The following RBM38 variants were observed in gnomAD, a reference collection of about 807,000 sequenced individuals.
RBM38 encodes RNA binding motif protein 38.
In RBM38, 11 loss-of-function variants were observed where a neutral mutation model predicts 23.5. The observed-to-expected ratio is 0.47, with a 90% CI of 0.29 to 0.77. The LOEUF (loss-of-function observed/expected upper bound fraction) is 0.77. RBM38 is among the 30% of genes least tolerant of loss of function. The pLI is 0.08. For missense variants in RBM38, 330 were observed against 351.9 expected (o/e 0.94, Z 0.50); for synonymous variants, 165 against 166.1 (o/e 0.99, Z 0.05).
intron 3 of RBM38, among the ~76,000 whole-genome samples, chr20:57,406,922 T>A (rs1437854385): frequency 2.1e-5 from 3 of 142,406 alleles, no homozygotes; most frequent in East Asian, 2.0e-4. Context: ...TGAACCCGGG[T>A]GGCGGAGCTT....
In RBM38 at chr20:57,391,635, G is replaced by T; in HGVS notation, c.54G>T (p.Leu18=). The T allele has an allele frequency of 1.4e-6, 2 of 1,460,170 alleles. No homozygotes were observed. Among genetic ancestry groups the T allele is most frequent in the East Asian group, 3.1e-5 (1 of 32,690 alleles). The allele number at this position is 1,460,170 out of a possible 1,614,324, so 90.5% of individuals were successfully genotyped here. A position where few individuals can be genotyped will look rare whatever the true frequency, so the allele number is the denominator to read the frequency against. The change falls in exon 1 of 4, where the codon CTG becomes CTT. Residue 18 remains leucine (L), a synonymous_variant. Transcript: ENST00000356208. ...CAPSAGFPRP[L]AAPGAMHGSQ... ...CGAGCGCGGGCTTCCCGCGGCCCCT[G>T]GCCGCCCCCGGCGCCATGCACGGCT...
At chr20:57,404,421 C>T (rs1461649179) in intron 3 of RBM38, among the ~76,000 whole-genome samples, 1 of 152,248 alleles carries the variant, frequency 6.6e-6, no homozygotes, top group African/African-American at 2.4e-5. Flanking sequence ...TTCAAAGCTT[C>T]CATAGCCTCC....
In RBM38 at chr20:57,392,770, C is replaced by G; in HGVS notation, c.354C>G (p.Leu118=). The change falls in exon 2 of 4, where the codon CTC becomes CTG. Residue 118 remains leucine, a synonymous_variant. Transcript: ENST00000356208. ...LAYLGAKPRS[L]QTGFAIGVQQ... ...ATCTGGGCGCCAAGCCGCGGAGCCT[C>G]CAGACGGGTGAGAGCTTGTGTTTTC... is the stretch of plus-strand genomic sequence containing the variant. 6.2e-7 allele frequency: 1 copy of G among 1,612,958 alleles called. No individual in the cohort carries two copies. Among genetic ancestry groups the G allele is most frequent in the Non-Finnish European group, 8.5e-7 (1 of 1,179,708 alleles).
chr20:57,395,628 CGCG>C (rs1264718899), intron 3 of RBM38, among the ~76,000 whole-genome samples: 1 of 151,480 alleles, frequency 6.6e-6, no homozygotes, highest in African/African-American at 2.5e-5. Flanking sequence ...CTCTGAGAAT[CGCG>C]CCGCCTCCTG....
At chr20:57,405,118 C>T (rs538842558) in intron 3 of RBM38, among the ~76,000 whole-genome samples, 1 of 152,342 alleles carries the variant, frequency 6.6e-6, no homozygotes, top group African/African-American at 2.4e-5. Context: ...GGCATCCCCT[C>T]CTTCAAGAAG....
chr20:57,408,165 C>T lies in RBM38; in HGVS notation c.*319C>T, dbSNP rs1177150995. 18 of 449,798 alleles carry T rather than the reference C, an allele frequency of 4.0e-5. No individual in the cohort carries two copies. Among genetic ancestry groups the T allele is most frequent in the Non-Finnish European group, 6.6e-5 (16 of 243,000 alleles). The allele number at this position is 449,798 out of a possible 1,614,324, so 27.9% of individuals were successfully genotyped here. On this transcript the variant is annotated 3_prime_UTR_variant, in exon 4 of 4. Coordinates refer to ENST00000356208, the MANE Select transcript of RBM38 (RefSeq NM_017495.6). ...CCTGCCTCTCCACACTCCAGGTTCC[C>T]TCAGGCTTGTGTCCCCACTGCTGCA... is the stretch of plus-strand genomic sequence containing the variant.
Position 57,393,344 on chromosome 20 carries a change from A to T in RBM38, c.416+11A>T, listed in dbSNP as rs756466740. 1 of 1,613,026 alleles carries T rather than the reference A, an allele frequency of 6.2e-7. No individual in the cohort carries two copies. The highest frequency in any genetic ancestry group is 1.3e-5 in the African/African-American group (1 of 74,618). On this transcript the variant is annotated intron_variant, in intron 3 of 3. Transcript: ENST00000356208. ...CCAGCGGACTTACGGGTGAGTGGAC[A>T]TGGCTGGCTTGGGGTGGGTAGTCCG...
At chr20:57,396,026 C>T (rs1357411349) in intron 3 of RBM38, among the ~76,000 whole-genome samples, 1 of 152,208 alleles carries the variant, frequency 6.6e-6, no homozygotes, top group African/African-American at 2.4e-5. Flanking sequence ...TATACCTTGC[C>T]CTGGACAACT....
At chr20:57,392,619 C>T (rs753440639) in intron 1 of RBM38, 35 bp from the exon 2 acceptor site, 123 of 1,591,430 alleles carry the variant, frequency 7.7e-5, no homozygotes, top group Non-Finnish European at 9.5e-5. Context: ...CTGGTTCCCC[C>T]CACGGCAGCC....
chr20:57,403,181 A>G (rs762632048), intron 3 of RBM38, among the ~76,000 whole-genome samples: 2 of 152,192 alleles, frequency 1.3e-5, no homozygotes, highest in Non-Finnish European at 2.9e-5. Flanking sequence ...CTGGTTGGGA[A>G]TCGCTGTTCT....
intron 3 of RBM38, among the ~76,000 whole-genome samples, chr20:57,401,005 G>A (rs1289222008): frequency 1.3e-5 from 2 of 152,214 alleles, no homozygotes; most frequent in African/African-American, 2.4e-5. Flanking sequence ...CAAAGAGGCC[G>A]GTGGGCCCTG....
At chr20:57,391,895 C>A in intron 1 of RBM38, 77 bp downstream of exon 1, 1 of 1,116,678 alleles carries the variant, frequency 9.0e-7, no homozygotes, top group Non-Finnish European at 1.2e-6. Flanking sequence ...CACTCCGGGG[C>A]ACACGCCCAG....
chr20:57,405,072 C>G (rs2067367833), intron 3 of RBM38, among the ~76,000 whole-genome samples: 1 of 152,360 alleles, frequency 6.6e-6, no homozygotes, highest in Admixed American at 6.5e-5. Context: ...TGCTGCTCCC[C>G]TGTGGCCAGC....
At position 57,407,614 on chromosome 20, in the gene RBM38, C is replaced by T. The variant is rs750973868; in HGVS notation, c.488C>T (p.Pro163Leu). ...GTGGTGATCCCAGCCGCCCCTGTCC[C>T]GTCGCTGTCCTCGCCCTACATTGAG... ...PSVVIPAAPVPSLSSPYIEYT... is the reference protein window; with the variant it reads ...PSVVIPAAPVLSLSSPYIEYT... Residue 163 changes from proline to leucine, a missense_variant, in exon 4 of 4, where the codon CCG becomes CTG. Physicochemically the swap from Pro to Leu is moderately conservative, Grantham distance 98. Transcript: ENST00000356208. The surrounding 1 kb of genome is among the most constrained non-coding windows in gnomAD (Gnocchi z 4.0). 18 of 1,613,602 alleles carry T rather than the reference C, an allele frequency of 1.1e-5. No homozygotes were observed. The highest frequency in any genetic ancestry group is 5.5e-5 in the South Asian group (5 of 91,068).
rs1028176927 is a variant in RBM38, at chr20:57,400,751, T to C, written c.417-6792T>C. Among the ~76,000 whole-genome samples, 9 of 152,130 alleles carry C rather than the reference T, an allele frequency of 5.9e-5. No homozygotes were observed. The East Asian group carries it at 1.2e-3, about 20-fold the overall frequency. ...CCGCCTCTGATTGGTGCAAGACCCT[T>C]CTCTGGGGTCTTGGTGGGAGGATAG... On this transcript the variant is annotated intron_variant, in intron 3 of 3. Transcript: ENST00000356208.
At chr20:57,398,436 G>A (rs1398920028) in intron 3 of RBM38, among the ~76,000 whole-genome samples, 5 of 152,202 alleles carry the variant, frequency 3.3e-5, no homozygotes, top group Non-Finnish European at 7.3e-5. Flanking sequence ...CAGGGCAGGG[G>A]CAGAAGCTGA....
intron 3 of RBM38, among the ~76,000 whole-genome samples, chr20:57,404,076 G>T (rs1407642289): frequency 6.6e-6 from 1 of 152,246 alleles, no homozygotes; most frequent in Non-Finnish European, 1.5e-5. Flanking sequence ...TTGTGTTTGA[G>T]TGTCCCTGAG....
chr20:57,407,626 C>T lies in RBM38; in HGVS notation c.500C>T (p.Ser167Leu), dbSNP rs746502565. Residue 167 changes from serine (S) to leucine (L), a missense_variant, in exon 4 of 4, where the codon TCG becomes TTG. Ser to Leu is a moderately radical substitution (Grantham distance 145). This residue lies in a region of RBM38 where 227 missense variants were observed against 216.4 expected (regional missense o/e 1.05). Transcript: ENST00000356208. This position sits in a 1 kb window ranked among gnomAD's most constrained non-coding sequence, Gnocchi z 4.0. ...GCCGCCCCTGTCCCGTCGCTGTCCTCGCCCTACATTGAGTACACGCCGGCC... is the reference window on the plus strand; with the variant it reads ...GCCGCCCCTGTCCCGTCGCTGTCCTTGCCCTACATTGAGTACACGCCGGCC... Reference protein sequence around the residue: ...IPAAPVPSLSSPYIEYTPASP... With the variant: ...IPAAPVPSLSLPYIEYTPASP... The T allele has an allele frequency of 7.4e-6, 12 of 1,613,518 alleles. No homozygotes were observed. Among genetic ancestry groups the T allele is most frequent in the African/African-American group, 5.3e-5 (4 of 74,934 alleles).
chr20:57,400,969 A>G (rs2067322281), intron 3 of RBM38, among the ~76,000 whole-genome samples: 1 of 152,158 alleles, frequency 6.6e-6, no homozygotes, highest in Admixed American at 6.5e-5. Flanking sequence ...AGTGGCTTCT[A>G]GAGGAGGGAG....
Sources: allele counts gnomAD v4.1 joint callset (sites outside exome capture counted in the v4.1 genomes callset), GRCh38; gene constraint gnomAD v4.1.1; regional missense constraint gnomAD v4.1.1; non-coding constraint Gnocchi (gnomAD v3.1); transcripts MANE v1.5; gene names NCBI Gene and HGNC (gene_info 2026-07-23, HGNC 2026-07-21).